The following WWOX variants were observed in gnomAD, a reference collection of about 807,000 sequenced individuals.
WWOX encodes WW domain-containing oxidoreductase.
In WWOX, 69 loss-of-function variants were observed where a neutral mutation model predicts 46.2. That is an observed-to-expected ratio of 1.49 (90% confidence interval 1.23 to 1.82). The LOEUF (loss-of-function observed/expected upper bound fraction) is 1.82. Ranked by LOEUF, WWOX falls within the 40% of genes most tolerant of loss-of-function variation. The pLI is 0.00. For synonymous variants in WWOX, 359 were observed against 202.6 expected, an observed-to-expected ratio of 1.77 and a Z score of -6.56; for missense variants, 919 against 542.6, an observed-to-expected ratio of 1.69 and a Z score of -6.89.
At chr16:79,096,828 T>G (rs2049084265) in intron 8 of WWOX, among the ~76,000 whole-genome samples, 1 of 152,124 alleles carries the variant, frequency 6.6e-6, no homozygotes, top group African/African-American at 2.4e-5. Flanking sequence ...AAATTGACTC[T>G]CACAGAATAA....
intron 8 of WWOX, among the ~76,000 whole-genome samples, chr16:78,998,956 G>C (rs2151359415): frequency 6.6e-6 from 1 of 152,258 alleles, no homozygotes; most frequent in Non-Finnish European, 1.5e-5. Flanking sequence ...TTGCAGGATG[G>C]GTGTTGACAG....
At chr16:78,393,704 C>G (rs73569091) in intron 6 of WWOX, among the ~76,000 whole-genome samples, 25 of 151,988 alleles carry the variant, frequency 1.6e-4, no homozygotes, top group African/African-American at 5.5e-4. Context: ...AAATAATTAC[C>G]CAAGTCCAAA....
At chr16:79,146,685 G>A (rs1234412723) in intron 8 of WWOX, among the ~76,000 whole-genome samples, 1 of 152,144 alleles carries the variant, frequency 6.6e-6, no homozygotes, top group East Asian at 1.9e-4. Context: ...TGCTTACTAA[G>A]CATCTGGTTT....
intron 8 of WWOX, among the ~76,000 whole-genome samples, chr16:78,561,409 G>A (rs2044431973): frequency 6.6e-6 from 1 of 151,588 alleles, no homozygotes; most frequent in African/African-American, 2.4e-5. Flanking sequence ...CACGTGATGA[G>A]GATAGTTTCT....
In WWOX at chr16:78,660,793, A is replaced by C. The variant is rs115134282; in HGVS notation, c.1056+228041A>C. Among the ~76,000 whole-genome samples the C allele has an allele frequency of 3.5e-3, 531 of 152,328 alleles. 2 individuals carry two copies. The highest frequency in any genetic ancestry group is 0.012 in the African/African-American group (494 of 41,578). On this transcript the variant is annotated intron_variant, in intron 8 of 8. Transcript: ENST00000566780. ...GTTCTATGCATTTAGCATCAGTTGC[A>C]GATATGGATAGCCTTTTCAAAAAAT... is the stretch of plus-strand genomic sequence containing the variant.
intron 5 of WWOX, among the ~76,000 whole-genome samples, chr16:78,366,273 G>C (rs72794095): frequency 6.6e-6 from 1 of 152,148 alleles, no homozygotes; most frequent in African/African-American, 2.4e-5. Context: ...TAAACTTTTA[G>C]ATTATTTAAT....
At chr16:78,480,461 G>A (rs1015597673) in intron 8 of WWOX, among the ~76,000 whole-genome samples, 45 of 152,196 alleles carry the variant, frequency 3.0e-4, no homozygotes, top group African/African-American at 7.2e-5. Flanking sequence ...ATATTTACAT[G>A]TACTGTCCTT....
At chr16:78,222,422 A>G (rs1309845679) in intron 5 of WWOX, among the ~76,000 whole-genome samples, 1 of 151,804 alleles carries the variant, frequency 6.6e-6, no homozygotes, top group African/African-American at 2.4e-5. Context: ...ACAGCCTTTC[A>G]TGTCCTGTAA....
At chr16:78,127,756 C>G (rs1248627324) in intron 4 of WWOX, among the ~76,000 whole-genome samples, 3 of 152,080 alleles carry the variant, frequency 2.0e-5, no homozygotes, top group African/African-American at 7.2e-5. Context: ...CTTTGCTGTC[C>G]TATTTTTTTG....
chr16:78,640,605 C>G (rs918497803), intron 8 of WWOX, among the ~76,000 whole-genome samples: 1 of 152,082 alleles, frequency 6.6e-6, no homozygotes, highest in Non-Finnish European at 1.5e-5. Flanking sequence ...AACAAACCTA[C>G]ACATCCTGCA....
At chr16:79,019,412 G>A (rs1567490242) in intron 8 of WWOX, among the ~76,000 whole-genome samples, 2 of 152,088 alleles carry the variant, frequency 1.3e-5, no homozygotes. Flanking sequence ...GCTGCGTACT[G>A]TAGGCAGTTG....
At chr16:78,742,578 G>A (rs937834559) in intron 8 of WWOX, among the ~76,000 whole-genome samples, 4 of 152,166 alleles carry the variant, frequency 2.6e-5, no homozygotes, top group African/African-American at 7.2e-5. Flanking sequence ...GGAAAGGAAC[G>A]CACAGCGATC....
intron 3 of WWOX, among the ~76,000 whole-genome samples, chr16:78,113,525 A>G (rs1237159034): frequency 6.6e-6 from 1 of 152,194 alleles, no homozygotes; most frequent in Non-Finnish European, 1.5e-5. Context: ...CTAGAGGAGT[A>G]AGCAAGGGCT....
intron 8 of WWOX, among the ~76,000 whole-genome samples, chr16:78,738,706 G>A (rs187122525): frequency 1.5e-4 from 23 of 152,100 alleles, no homozygotes; most frequent in African/African-American, 5.3e-4. Context: ...GAGACGGGTC[G>A]GGGAGACTGT....
intron 5 of WWOX, among the ~76,000 whole-genome samples, chr16:78,377,997 A>AG (rs140644938): frequency 0.031 from 4,722 of 151,898 alleles, 100 homozygotes; most frequent in African/African-American, 0.049. Flanking sequence ...TGGCAGGGGG[A>AG]GGTAGGAAGG....
At chr16:78,298,074 C>G (rs1222194456) in intron 5 of WWOX, among the ~76,000 whole-genome samples, 3 of 152,168 alleles carry the variant, frequency 2.0e-5, no homozygotes, top group Non-Finnish European at 4.4e-5. Flanking sequence ...TCTTCTCCTT[C>G]TTGCCACCAG....
intron 4 of WWOX, among the ~76,000 whole-genome samples, chr16:78,149,374 T>G (rs1455734918): frequency 6.6e-6 from 1 of 152,234 alleles, no homozygotes; most frequent in Non-Finnish European, 1.5e-5. Context: ...TGTGGACTGG[T>G]GATCCCATCT....
At chr16:78,591,832 G>T (rs2045359372) in intron 8 of WWOX, among the ~76,000 whole-genome samples, 1 of 152,184 alleles carries the variant, frequency 6.6e-6, no homozygotes, top group African/African-American at 2.4e-5. Flanking sequence ...CAAAGAAGAT[G>T]TAACTAGAGA....
In WWOX at chr16:79,061,650, C is replaced by G. The variant is rs552583516; in HGVS notation, c.1057-149958C>G. Among the ~76,000 whole-genome samples, 48 of 152,184 alleles carry G rather than the reference C, an allele frequency of 3.2e-4. No individual in the cohort carries two copies. The Middle Eastern group carries it at 0.01, about 32-fold the overall frequency. On this transcript the variant is annotated intron_variant, in intron 8 of 8. Transcript: ENST00000566780. ...ATCCATGACAGTATTGGTTCAGGGGCAAAGAATGGGAGGAAAGAAAAAGAC... is the reference window on the plus strand; with the variant it reads ...ATCCATGACAGTATTGGTTCAGGGGGAAAGAATGGGAGGAAAGAAAAAGAC...
Sources: allele counts gnomAD v4.1 joint callset (sites outside exome capture counted in the v4.1 genomes callset), GRCh38; gene constraint gnomAD v4.1.1; transcripts MANE v1.5; gene names NCBI Gene and HGNC (gene_info 2026-07-23, HGNC 2026-07-21).